The following MDGA2 variants were observed in gnomAD, a reference collection of about 807,000 sequenced individuals.
MDGA2 encodes MAM domain-containing glycosylphosphatidylinositol anchor protein 2.
Under a neutral mutation model 117.8 loss-of-function variants are expected in MDGA2, and 40 were observed. The ratio of observed to expected loss-of-function variants is 0.34; its 90% CI spans 0.26 to 0.44. MDGA2 has a LOEUF of 0.44. MDGA2 is among the 20% of genes least tolerant of loss of function. MDGA2 has a pLI of 1.00. For missense variants in MDGA2, 1,123 were observed against 1,250.6 expected (o/e 0.90, Z 1.54); for synonymous variants, 452 against 439.0 (o/e 1.03, Z -0.37).
rs1055245438 is a variant in MDGA2, at chr14:47,335,747, T to TATACAC, written c.281-34198_281-34197insGTGTAT. 3.8e-4 allele frequency among the ~76,000 whole-genome samples: 26 copies of TATACAC among 68,662 alleles called. 2 individuals are homozygous for TATACAC. Among genetic ancestry groups the TATACAC allele is most frequent in the East Asian group, 1.3e-3 (3 of 2,354 alleles). 45.0% of individuals were successfully genotyped at this position (68,662 alleles called of 152,430 possible). On this transcript the variant is annotated intron_variant, in intron 1 of 16. Coordinates refer to ENST00000399232, the MANE Select transcript of MDGA2 (RefSeq NM_001113498.3). The stretch of plus-strand genomic sequence containing the variant: ...CACACATATATTTTATATATATATA[T>TATACAC]ACATACATACATACAGGATCACTCT...
chr14:47,225,838 C>A (rs968905958), intron 2 of MDGA2, among the ~76,000 whole-genome samples: 8 of 151,378 alleles, frequency 5.3e-5, no homozygotes, highest in Non-Finnish European at 1.0e-4. Context: ...AAAACCATTT[C>A]TCTACTCAAT....
chr14:46,975,248 G>T (rs943263131), intron 8 of MDGA2, among the ~76,000 whole-genome samples: 19 of 152,096 alleles, frequency 1.2e-4, no homozygotes, highest in African/African-American at 4.3e-4. Flanking sequence ...CTGTTGGAGG[G>T]AATGCAAAAT....
intron 8 of MDGA2, among the ~76,000 whole-genome samples, chr14:47,003,003 TTCC>T (rs1174808340): frequency 6.6e-6 from 1 of 152,108 alleles, no homozygotes; most frequent in Non-Finnish European, 1.5e-5. Flanking sequence ...CTTTCAATCC[TTCC>T]TCCTCACCTT....
intron 10 of MDGA2, among the ~76,000 whole-genome samples, chr14:46,913,170 C>T (rs553029673): frequency 6.6e-6 from 1 of 152,062 alleles, no homozygotes; most frequent in Admixed American, 6.6e-5. Context: ...TTCTTAATTC[C>T]ATTTTTCTTC....
At chr14:47,460,523 A>G (rs1260317732) in intron 1 of MDGA2, among the ~76,000 whole-genome samples, 6 of 152,274 alleles carry the variant, frequency 3.9e-5, no homozygotes, top group Admixed American at 3.3e-4. Flanking sequence ...GAATTACTAT[A>G]AAAAAGGGAA....
chr14:47,362,748 C>A (rs1257672249), intron 1 of MDGA2, among the ~76,000 whole-genome samples: 22 of 152,216 alleles, frequency 1.4e-4, no homozygotes. Context: ...ATTTTGCTTG[C>A]TATTACTACA....
intron 1 of MDGA2, among the ~76,000 whole-genome samples, chr14:47,446,920 T>C (rs1893135317): frequency 6.6e-6 from 1 of 152,210 alleles, no homozygotes; most frequent in Admixed American, 6.6e-5. Context: ...AACAGAATTC[T>C]ATTCACATAC....
intron 8 of MDGA2, among the ~76,000 whole-genome samples, chr14:46,984,774 T>A (rs1179735762): frequency 6.6e-6 from 1 of 152,078 alleles, no homozygotes; most frequent in African/African-American, 2.4e-5. Flanking sequence ...GTTCTAATTT[T>A]CTGTTAAGAA....
chr14:47,119,355 G>A (rs8020187), intron 5 of MDGA2, among the ~76,000 whole-genome samples: 22,077 of 152,056 alleles, frequency 0.15, 1,719 homozygotes, highest in East Asian at 0.27. Flanking sequence ...GTGAGCCACC[G>A]GGCCCGGCCC....
chr14:47,324,134 A>C (rs1487094140), intron 1 of MDGA2, among the ~76,000 whole-genome samples: 3 of 152,102 alleles, frequency 2.0e-5, no homozygotes, highest in African/African-American at 7.2e-5. Flanking sequence ...AGTCCCAGCT[A>C]CTAGGGAGGC....
intron 14 of MDGA2, among the ~76,000 whole-genome samples, chr14:46,863,678 G>C (rs1391384224): frequency 6.6e-6 from 1 of 152,056 alleles, no homozygotes; most frequent in Non-Finnish European, 1.5e-5. Flanking sequence ...CTCAGCTACT[G>C]TGTTCTCAGC....
At chr14:47,418,536 C>A (rs926491956) in intron 1 of MDGA2, among the ~76,000 whole-genome samples, 1 of 152,120 alleles carries the variant, frequency 6.6e-6, no homozygotes, top group Admixed American at 6.6e-5. Flanking sequence ...CTACCTTGAG[C>A]CTATTTTATG....
intron 1 of MDGA2, among the ~76,000 whole-genome samples, chr14:47,548,765 G>A (rs549210357): frequency 6.6e-6 from 1 of 152,104 alleles, no homozygotes; most frequent in South Asian, 2.1e-4. Flanking sequence ...TGGCCAGCGT[G>A]CACATGCCTG....
chr14:47,626,126 T>A (rs1897134327), intron 1 of MDGA2, among the ~76,000 whole-genome samples: 1 of 152,274 alleles, frequency 6.6e-6, no homozygotes. Context: ...GTGGTCTTAC[T>A]GCATCCTCTG....
At chr14:47,046,205 C>T (rs1357709758) in intron 7 of MDGA2, among the ~76,000 whole-genome samples, 1 of 151,696 alleles carries the variant, frequency 6.6e-6, no homozygotes, top group Non-Finnish European at 1.5e-5. Flanking sequence ...AGATGCAAAA[C>T]ATCAAGTAAA....
intron 8 of MDGA2, among the ~76,000 whole-genome samples, chr14:46,965,985 CTT>C (rs1491224910): frequency 1.7e-4 from 24 of 143,860 alleles, no homozygotes; most frequent in African/African-American, 3.9e-4. Context: ...ATATATGACT[CTT>C]ATATTATTAT....
intron 7 of MDGA2, among the ~76,000 whole-genome samples, chr14:47,036,954 A>G (rs1161991691): frequency 1.3e-5 from 2 of 152,356 alleles, no homozygotes; most frequent in South Asian, 2.1e-4. Flanking sequence ...CACCACCACC[A>G]TTTTGAAGTA....
At chr14:47,276,240 T>C (rs1293076944) in intron 2 of MDGA2, among the ~76,000 whole-genome samples, 1 of 152,112 alleles carries the variant, frequency 6.6e-6, no homozygotes, top group Non-Finnish European at 1.5e-5. Flanking sequence ...TCTAATCCAG[T>C]CTATGAGGTG....
intron 5 of MDGA2, among the ~76,000 whole-genome samples, chr14:47,106,664 G>T (rs1391810609): frequency 6.6e-6 from 1 of 151,998 alleles, no homozygotes; most frequent in Non-Finnish European, 1.5e-5. Flanking sequence ...GACTGACACT[G>T]CCCGATCGCC....
Sources: allele counts gnomAD v4.1 joint callset (sites outside exome capture counted in the v4.1 genomes callset), GRCh38; gene constraint gnomAD v4.1.1; transcripts MANE v1.5; gene names NCBI Gene and HGNC (gene_info 2026-07-23, HGNC 2026-07-21).